Variants in SPAG9 observed in about 807,000 individuals in gnomAD.
The protein encoded by SPAG9 is C-Jun-amino-terminal kinase-interacting protein 4.
SPAG9 carries 35 observed loss-of-function variants against 166.5 expected under a neutral mutation model. That is an observed-to-expected ratio of 0.21 (90% CI 0.16 to 0.28). The LOEUF is 0.28. Ranked by LOEUF, SPAG9 falls within the 10% of genes least tolerant of loss-of-function variation. The pLI is 1.00. For missense variants in SPAG9, 1,235 were observed against 1,603.3 expected (o/e 0.77, Z 3.92); for synonymous variants, 534 against 565.5 (o/e 0.94, Z 0.79).
intron 5 of SPAG9, among the ~76,000 whole-genome samples, chr17:51,038,414 G>C (rs377380529): frequency 6.7e-4 from 102 of 152,274 alleles, no homozygotes; most frequent in African/African-American, 2.4e-3. Context: ...GGGAATCCTG[G>C]AAGAAAACTG....
At chr17:51,039,483 T>C (rs1318598823) in intron 5 of SPAG9, among the ~76,000 whole-genome samples, 3 of 152,156 alleles carry the variant, frequency 2.0e-5, no homozygotes, top group Non-Finnish European at 2.9e-5. Context: ...CACCACCCCA[T>C]TCCTGGAAAT....
chr17:51,091,583 A>G (rs2048467098), intron 1 of SPAG9, among the ~76,000 whole-genome samples: 1 of 151,934 alleles, frequency 6.6e-6, no homozygotes, highest in Non-Finnish European at 1.5e-5. Context: ...TTGTCAGATC[A>G]CTCAGGTATG....
At chr17:51,026,013 TTCA>T (rs1414487214) in intron 6 of SPAG9, among the ~76,000 whole-genome samples, 1 of 152,112 alleles carries the variant, frequency 6.6e-6, no homozygotes, top group Non-Finnish European at 1.5e-5. Flanking sequence ...GAATATTGAG[TTCA>T]TCTATATGAG....
intron 7 of SPAG9, 100 bp downstream of exon 7, chr17:51,021,058 T>C (rs2045919841): frequency 2.0e-6 from 2 of 976,992 alleles, no homozygotes; most frequent in African/African-American, 3.2e-5. Flanking sequence ...ATTTTATAAA[T>C]ACAAAGCAGG....
At chr17:51,104,514 T>C (rs2048887565) in intron 1 of SPAG9, among the ~76,000 whole-genome samples, 1 of 152,078 alleles carries the variant, frequency 6.6e-6, no homozygotes, top group Non-Finnish European at 1.5e-5. Context: ...CGCTTGCCTG[T>C]AATCCCAGCT....
chr17:51,039,831 G>C (rs1418773119), intron 5 of SPAG9, among the ~76,000 whole-genome samples: 2 of 152,020 alleles, frequency 1.3e-5, no homozygotes, highest in Non-Finnish European at 2.9e-5. Flanking sequence ...TCCTACTTTT[G>C]TTTTGGGAAA....
At chr17:50,984,854 C>G (rs1974922539) in intron 24 of SPAG9, 69 bp downstream of exon 24, 2 of 1,192,456 alleles carry the variant, frequency 1.7e-6, no homozygotes, top group Non-Finnish European at 2.5e-6. Context: ...AAAACATAAA[C>G]CAATCTACTT....
chr17:51,081,348 G>A (rs192405110), intron 1 of SPAG9, among the ~76,000 whole-genome samples: 4 of 152,226 alleles, frequency 2.6e-5, no homozygotes, highest in African/African-American at 7.2e-5. Context: ...TTACTGAGGA[G>A]GCTGAGGCAG....
chr17:51,011,819 G>A (rs1485218949), intron 9 of SPAG9, among the ~76,000 whole-genome samples: 2 of 152,180 alleles, frequency 1.3e-5, no homozygotes, highest in East Asian at 1.9e-4. Flanking sequence ...AAGATAGTTT[G>A]TAGTCTGTTT....
chr17:51,101,469 T>C (rs753451925), intron 1 of SPAG9, among the ~76,000 whole-genome samples: 4 of 149,574 alleles, frequency 2.7e-5, no homozygotes, highest in Non-Finnish European at 4.4e-5. Flanking sequence ...AAAATAAAAA[T>C]AGAAAACAAA....
intron 1 of SPAG9, among the ~76,000 whole-genome samples, chr17:51,089,037 G>A (rs2048375794): frequency 6.6e-6 from 1 of 150,796 alleles, no homozygotes; most frequent in South Asian, 2.1e-4. Context: ...GGGTTGCGGT[G>A]AGCGAGATTG....
chr17:51,025,218 C>A (rs775571955), intron 6 of SPAG9, among the ~76,000 whole-genome samples: 15 of 143,412 alleles, frequency 1.0e-4, no homozygotes, highest in Non-Finnish European at 2.2e-4. Flanking sequence ...ACTCAGGAGG[C>A]TGAGGCAGAG....
chr17:51,083,580 T>TTTA (rs1456496800), intron 1 of SPAG9, among the ~76,000 whole-genome samples: 3 of 145,148 alleles, frequency 2.1e-5, no homozygotes, highest in South Asian at 2.2e-4. Context: ...TATTTATTTA[T>TTTA]TTAAGATGTA....
chr17:50,999,922 A>G (rs1002586275), intron 13 of SPAG9, among the ~76,000 whole-genome samples: 2 of 152,186 alleles, frequency 1.3e-5, no homozygotes, highest in African/African-American at 4.8e-5. Context: ...AAAATAAAAT[A>G]TCATCCCTCC....
chr17:51,089,641 T>TACAC (rs2048403882), intron 1 of SPAG9, among the ~76,000 whole-genome samples: 1 of 84,766 alleles, frequency 1.2e-5, no homozygotes, highest in Non-Finnish European at 2.2e-5. Flanking sequence ...TATATATATA[T>TACAC]ATATATATAT....
intron 2 of SPAG9, among the ~76,000 whole-genome samples, chr17:51,076,785 C>T (rs531355150): frequency 6.6e-6 from 1 of 151,488 alleles, no homozygotes; most frequent in Non-Finnish European, 1.5e-5. Flanking sequence ...CAGATATCAA[C>T]AAGAAAACTT....
Position 51,120,709 on chromosome 17 carries a change from A to C in SPAG9, c.-53T>G. On this transcript the variant is annotated 5_prime_UTR_variant, in exon 1 of 30. Coordinates refer to ENST00000262013, the MANE Select transcript of SPAG9 (RefSeq NM_001130528.3). The surrounding 1 kb of genome is among the most constrained non-coding windows in gnomAD (Gnocchi z 4.7). Reference sequence around the variant, plus strand: ...GGGGCGTCGCCGGCAGAGGGGCGGCACCTGCCCGCACGGGACGGACCCGAC... The same window carrying C: ...GGGGCGTCGCCGGCAGAGGGGCGGCCCCTGCCCGCACGGGACGGACCCGAC... 6.8e-7 allele frequency: 1 copy of C among 1,462,742 alleles called. No homozygotes were observed. Among genetic ancestry groups the C allele is most frequent in the Non-Finnish European group, 9.2e-7 (1 of 1,089,088 alleles). The allele number at this position is 1,462,742 out of a possible 1,614,324, so 90.6% of individuals were successfully genotyped here.
intron 1 of SPAG9, among the ~76,000 whole-genome samples, chr17:51,111,722 C>T (rs995048957): frequency 6.6e-6 from 1 of 152,136 alleles, no homozygotes; most frequent in African/African-American, 2.4e-5. Context: ...CCTTCCTCTG[C>T]CTCCGGAGTA....
At chr17:51,046,537 C>T in intron 4 of SPAG9, 4 of 1,536,164 alleles carry the variant, frequency 2.6e-6, no homozygotes, top group Non-Finnish European at 3.5e-6. Flanking sequence ...AGAGCTGGCA[C>T]ACCGGTAGAA....
Sources: gnomAD v4.1 joint callset for allele counts (sites outside exome capture counted in the v4.1 genomes callset) on GRCh38, gnomAD v4.1.1 for gene constraint, Gnocchi (gnomAD v3.1) non-coding constraint, MANE v1.5 for transcripts, NCBI Gene and HGNC (gene_info 2026-07-23, HGNC 2026-07-21) for gene names.